MTMR12: variants seen among roughly 807,000 people sequenced by gnomAD.
The protein encoded by MTMR12 is myotubularin related protein 12.
Under a neutral mutation model 96.7 loss-of-function variants are expected in MTMR12, and 33 were observed. The ratio of observed to expected loss-of-function variants is 0.34; its 90% confidence interval spans 0.26 to 0.46. MTMR12 has a LOEUF of 0.46. MTMR12 is among the 20% of genes least tolerant of loss of function. The pLI is 1.00. For synonymous variants in MTMR12, 298 were observed against 327.2 expected, an observed-to-expected ratio of 0.91 and a Z score of 0.96; for missense variants, 721 against 896.1, an observed-to-expected ratio of 0.80 and a Z score of 2.49.
At chr5:32,284,589 T>C (rs1750446150) in intron 1 of MTMR12, among the ~76,000 whole-genome samples, 1 of 152,102 alleles carries the variant, frequency 6.6e-6, no homozygotes, top group Non-Finnish European at 1.5e-5. Context: ...TGGTGGGAGC[T>C]TCTTAAACCA....
chr5:32,243,852 A>T (rs1216419884), intron 10 of MTMR12, among the ~76,000 whole-genome samples: 1 of 152,212 alleles, frequency 6.6e-6, no homozygotes, highest in Non-Finnish European at 1.5e-5. Context: ...AATTCCTACA[A>T]TGCATACACA....
chr5:32,266,978 G>A (rs1401307002), intron 6 of MTMR12, among the ~76,000 whole-genome samples: 1 of 151,856 alleles, frequency 6.6e-6, no homozygotes, highest in African/African-American at 2.4e-5. Context: ...TACTCAGGAG[G>A]CTGAGGCAGG....
At position 32,248,850 on chromosome 5, in the gene MTMR12, C is replaced by T. The variant is rs763981165; in HGVS notation, c.818G>A (p.Ser273Asn). The T allele has an allele frequency of 1.9e-5, 30 of 1,614,138 alleles. 1 individual carries two copies. In the East Asian group the frequency reaches 2.5e-4, roughly 13 times the overall value. The stretch of plus-strand genomic sequence containing the variant: ...CAGTGCTGACATTTTCAAAAGGGCA[C>T]TTCCATTGTGGCAGGACCAACACCA... Reference protein sequence around the residue: ...PIWCWSCHNGSALLKMSALPK... With the variant: ...PIWCWSCHNGNALLKMSALPK... Residue 273 changes from serine to asparagine, a missense_variant, in exon 9 of 16, where the codon AGT (serine) becomes AAT (asparagine). Coordinates refer to ENST00000382142, the MANE Select transcript of MTMR12 (RefSeq NM_001040446.3).
intron 15 of MTMR12, among the ~76,000 whole-genome samples, chr5:32,232,796 C>G (rs1347027038): frequency 1.3e-5 from 2 of 152,390 alleles, no homozygotes; most frequent in Middle Eastern, 3.4e-3. Flanking sequence ...AGTCGTTCAG[C>G]AGCCAACATC....
Position 32,270,805 on chromosome 5 carries a change from G to A in MTMR12, c.489+12C>T, listed in dbSNP as rs201205140. 1.3e-5 allele frequency: 20 copies of A among 1,594,882 alleles called. No individual in the cohort carries two copies. The African/African-American group carries it at 2.6e-4, about 20-fold the overall frequency. The stretch of plus-strand genomic sequence containing the variant: ...TGGGAAATAAAACCTAAAAACACAT[G>A]CAACTAGTTACCCTTTTGACTTCCT... On this transcript the variant is annotated intron_variant, in intron 5 of 15. Transcript: ENST00000382142.
At chr5:32,251,544 T>C (rs985047798) in intron 8 of MTMR12, among the ~76,000 whole-genome samples, 1 of 151,942 alleles carries the variant, frequency 6.6e-6, no homozygotes, top group African/African-American at 2.4e-5. Flanking sequence ...ATGTCCACAG[T>C]GTGTGGGGAG....
chr5:32,231,836 T>G (rs116309908), intron 15 of MTMR12, among the ~76,000 whole-genome samples: 483 of 152,306 alleles, frequency 3.2e-3, no homozygotes, highest in Non-Finnish European at 3.7e-3. Flanking sequence ...ACCCAGTGCT[T>G]CCTGCCTGCT....
At chr5:32,298,174 G>A (rs74642784) in intron 1 of MTMR12, among the ~76,000 whole-genome samples, 2,345 of 152,296 alleles carry the variant, frequency 0.015, 30 homozygotes, top group Non-Finnish European at 0.024. Context: ...TGGTGCAGAC[G>A]GGGAGCAGTG....
At chr5:32,256,949 T>TA (rs1443710625) in intron 7 of MTMR12, among the ~76,000 whole-genome samples, 7 of 152,178 alleles carry the variant, frequency 4.6e-5, no homozygotes, top group Non-Finnish European at 8.8e-5. Flanking sequence ...TGATTACTTT[T>TA]AAAAAAAGAT....
chr5:32,258,718 T>G (rs1749235749), intron 7 of MTMR12, among the ~76,000 whole-genome samples: 1 of 152,074 alleles, frequency 6.6e-6, no homozygotes, highest in Non-Finnish European at 1.5e-5. Context: ...TTCTCAACCT[T>G]TTCAGGACAG....
intron 7 of MTMR12, among the ~76,000 whole-genome samples, chr5:32,257,494 G>A (rs62361351): frequency 0.34 from 51,168 of 151,856 alleles, 8,958 homozygotes; most frequent in East Asian, 0.5. Flanking sequence ...TCATCAGCCG[G>A]GCATGGTGGC....
rs776537194 is a variant in MTMR12 at position 32,230,150 on chromosome 5, A to C, written c.1872T>G (p.His624Gln). Reference protein sequence around the residue: ...DSWHSKSTDYHGLLLPHIEGP... With the variant: ...DSWHSKSTDYQGLLLPHIEGP... ...CCTCGATATGCGGTAACAACAAACC[A>C]TGGTAGTCAGTGGACTTGCTATGCC... Residue 624 changes from histidine to glutamine, a missense_variant, in exon 16 of 16, where the codon CAT becomes CAG. By Grantham distance (24) the His-to-Gln change is conservative (BLOSUM62 0). Coordinates refer to ENST00000382142, the MANE Select transcript of MTMR12 (RefSeq NM_001040446.3). 1 of 1,614,140 alleles carries C rather than the reference A, an allele frequency of 6.2e-7. No individual in the cohort carries two copies. The highest frequency in any genetic ancestry group is 8.5e-7 in the Non-Finnish European group (1 of 1,180,018).
At chr5:32,258,539 C>T (rs963010164) in intron 7 of MTMR12, among the ~76,000 whole-genome samples, 4 of 152,226 alleles carry the variant, frequency 2.6e-5, no homozygotes, top group Non-Finnish European at 2.9e-5. Flanking sequence ...GATCCTGCTA[C>T]TCACAGTTTC....
At chr5:32,299,059 A>G (rs1207748787) in intron 1 of MTMR12, among the ~76,000 whole-genome samples, 3 of 150,492 alleles carry the variant, frequency 2.0e-5, no homozygotes, top group Admixed American at 6.6e-5. Flanking sequence ...GAATGCGCAC[A>G]CACACACACA....
Position 32,229,767 on chromosome 5 carries a change from C to G in MTMR12, c.*11G>C, listed in dbSNP as rs768950685. 2 of 1,512,768 alleles carry G rather than the reference C, an allele frequency of 1.3e-6. No individual in the cohort carries two copies. The highest frequency in any genetic ancestry group is 4.5e-5 in the Admixed American group (2 of 44,354). 93.7% of individuals were successfully genotyped at this position (1,512,768 alleles called of 1,614,324 possible). A position where few individuals can be genotyped will look rare whatever the true frequency, so the allele number is the denominator to read the frequency against. ...CCCACATTCCTCTTTCACAATCACT[C>G]AACAAACAGGTCACACATCCCCTAG... On this transcript the variant is annotated 3_prime_UTR_variant, in exon 16 of 16. Coordinates refer to ENST00000382142, the MANE Select transcript of MTMR12 (RefSeq NM_001040446.3).
chr5:32,266,914 C>G (rs1176567473), intron 6 of MTMR12, among the ~76,000 whole-genome samples: 1 of 151,410 alleles, frequency 6.6e-6, no homozygotes, highest in Admixed American at 6.6e-5. Flanking sequence ...CCCGTCTCTA[C>G]TAAAAATACA....
At chr5:32,234,188 G>C (rs759933041) in intron 14 of MTMR12, among the ~76,000 whole-genome samples, 1 of 152,162 alleles carries the variant, frequency 6.6e-6, no homozygotes, top group Non-Finnish European at 1.5e-5. Context: ...ACAGCCTCGC[G>C]AGGCAACTGT....
intron 10 of MTMR12, among the ~76,000 whole-genome samples, chr5:32,246,186 A>C (rs553179577): frequency 1.0e-3 from 61 of 58,938 alleles, no homozygotes; most frequent in African/African-American, 3.7e-3. Flanking sequence ...TTTTTTTTTG[A>C]GATGGAGTCT....
At chr5:32,258,921 AAAAG>A (rs1749246311) in intron 7 of MTMR12, among the ~76,000 whole-genome samples, 1 of 151,080 alleles carries the variant, frequency 6.6e-6, no homozygotes, top group African/African-American at 2.5e-5. Context: ...AAAAAAAAAA[AAAAG>A]TCAGAACCAA....
Sources: gnomAD v4.1 joint callset for allele counts (sites outside exome capture counted in the v4.1 genomes callset) on GRCh38, gnomAD v4.1.1 for gene constraint, MANE v1.5 for transcripts, NCBI Gene and HGNC (gene_info 2026-07-23, HGNC 2026-07-21) for gene names.